The following SLC6A15 variants were observed in gnomAD, a reference collection of about 807,000 sequenced individuals.
SLC6A15 encodes sodium-dependent neutral amino acid transporter B(0)AT2.
A neutral mutation model predicts 68.5 loss-of-function variants in SLC6A15; 33 were observed. The observed-to-expected ratio is 0.48, with a 90% CI of 0.37 to 0.64. The LOEUF (loss-of-function observed/expected upper bound fraction) is 0.64. Among genes scored for constraint, SLC6A15 ranks in the 30% least tolerant of loss-of-function variants. The pLI, the probability that SLC6A15 is intolerant of heterozygous loss-of-function variation, is 0.00. For missense variants in SLC6A15, 747 were observed against 874.3 expected (o/e 0.85, Z 1.84); for synonymous variants, 347 against 301.0 (o/e 1.15, Z -1.58).
rs1463484332 is a variant in SLC6A15 at position 84,869,208 on chromosome 12, C to T, written c.1495+1270G>A. ...GGCACGGTGGCTCACGCCTGTAATC[C>T]TAGCACTTTGGGAGGCCAAGGCGGG... On this transcript the variant is annotated intron_variant, in intron 9 of 11. Coordinates refer to ENST00000266682, the MANE Select transcript of SLC6A15 (RefSeq NM_182767.6). Among the ~76,000 whole-genome samples, 3 of 152,028 alleles carry T rather than the reference C, an allele frequency of 2.0e-5. No individual in the cohort carries two copies. In the South Asian group the frequency reaches 6.2e-4, roughly 32 times the overall value.
rs940878973 is a variant in SLC6A15, at chr12:84,867,273, C to T, written c.1496-80G>A. ...AAACTTTATTATAAATTATTATATT[C>T]AAACTTTTAAAACTTTTATAACATG... On this transcript the variant is annotated intron_variant, in intron 9 of 11. Coordinates refer to ENST00000266682, the MANE Select transcript of SLC6A15 (RefSeq NM_182767.6). 1.2e-5 allele frequency: 14 copies of T among 1,206,096 alleles called. No homozygotes were observed. In the East Asian group the frequency reaches 2.2e-4, roughly 19 times the overall value. The allele number at this position is 1,206,096 out of a possible 1,614,324, so 74.7% of individuals were successfully genotyped here.
intron 1 of SLC6A15, among the ~76,000 whole-genome samples, chr12:84,906,979 A>G (rs536025676): frequency 6.6e-6 from 1 of 152,272 alleles, no homozygotes; most frequent in East Asian, 1.9e-4. Context: ...GAGGATGGAA[A>G]AAAAAAAGCT....
chr12:84,886,258 T>G (rs1872098032), intron 2 of SLC6A15, among the ~76,000 whole-genome samples, 190 bp from the exon 3 acceptor site: 2 of 152,130 alleles, frequency 1.3e-5, no homozygotes, highest in Middle Eastern at 3.4e-3. Context: ...CTACAAAGAG[T>G]TTCTGATAAT....
Position 84,867,103 on chromosome 12 carries a change from G to T in SLC6A15, c.1586C>A (p.Ala529Asp). The change falls in exon 10 of 12, where the codon GCT becomes GAT. Residue 529 changes from alanine (A) to aspartate (D), a missense_variant. Ala to Asp is a moderately radical substitution (Grantham distance 126). Transcript: ENST00000266682. ...YFVTMFDDYS[A>D]TLPLLIVVIL... The stretch of plus-strand genomic sequence containing the variant: ...GACTACAATTAGCAGAGGCAGTGTA[G>T]CAGAATAATCATCAAACATTGTAAC... 1 of 1,612,772 alleles carries T rather than the reference G, an allele frequency of 6.2e-7. No homozygotes were observed. The highest frequency in any genetic ancestry group is 8.5e-7 in the Non-Finnish European group (1 of 1,179,328).
At position 84,883,844 on chromosome 12, in the gene SLC6A15, C is replaced by T; in HGVS notation, c.756+15G>A. 6.2e-7 allele frequency: 1 copy of T among 1,614,044 alleles called. No individual in the cohort carries two copies. Among genetic ancestry groups the T allele is most frequent in the Non-Finnish European group, 8.5e-7 (1 of 1,180,000 alleles). On this transcript the variant is annotated intron_variant, in intron 5 of 11. Transcript: ENST00000266682. ...TGGTGATTAGCAGAATGAGGAAGGG[C>T]TCTAACATACTAACTTTTCCAGAAG...
chr12:84,900,273 A>G (rs144910667), intron 1 of SLC6A15, among the ~76,000 whole-genome samples: 1 of 152,114 alleles, frequency 6.6e-6, no homozygotes, highest in Non-Finnish European at 1.5e-5. Context: ...TTTCAATTAT[A>G]TTTTGCTAGT....
At chr12:84,888,708 C>T (rs1022057522) in intron 2 of SLC6A15, among the ~76,000 whole-genome samples, 1 of 152,062 alleles carries the variant, frequency 6.6e-6, no homozygotes, top group South Asian at 2.1e-4. Context: ...CTGAATTCAC[C>T]ACTATATAAT....
chr12:84,862,428 C>T (rs1870893767), intron 11 of SLC6A15, among the ~76,000 whole-genome samples: 1 of 152,112 alleles, frequency 6.6e-6, no homozygotes, highest in Non-Finnish European at 1.5e-5. Context: ...CAATAGATAC[C>T]TCTTAAATGT....
rs1190271369 is a variant in SLC6A15, at chr12:84,885,975, C to T, written c.383G>A (p.Gly128Asp). ...ELSVGQRIRR[G>D]SIGVWNYISP... ...TATGTAATTCCATACACCAATGCTG[C>T]CTCGCCGAATTCTTTGACCCACAGA... The change falls in exon 3 of 12, where the codon GGC becomes GAC. Residue 128 changes from glycine (G) to aspartate (D), a missense_variant. Coordinates refer to ENST00000266682, the MANE Select transcript of SLC6A15 (RefSeq NM_182767.6). 6.2e-7 allele frequency: 1 copy of T among 1,613,052 alleles called. No individual in the cohort carries two copies. The highest frequency in any genetic ancestry group is 8.5e-7 in the Non-Finnish European group (1 of 1,179,396).
At chr12:84,893,595 G>T (rs1402535633) in intron 1 of SLC6A15, among the ~76,000 whole-genome samples, 3 of 152,108 alleles carry the variant, frequency 2.0e-5, no homozygotes, top group African/African-American at 4.8e-5. Context: ...GGTAGCCCAA[G>T]AATTCCGCCC....
chr12:84,876,323 G>C (rs78828475), intron 6 of SLC6A15, among the ~76,000 whole-genome samples, 174 bp downstream of exon 6: 6,396 of 151,904 alleles, frequency 0.042, 405 homozygotes, highest in African/African-American at 0.14. Context: ...GAGATAAATG[G>C]CTATAATTAT....
At position 84,885,501 on chromosome 12, in the gene SLC6A15, A is replaced by C. The variant is rs1158126951; in HGVS notation, c.508T>G (p.Ser170Ala). Residue 170 changes from serine to alanine, a missense_variant, in exon 4 of 12, where the codon TCT (serine) becomes GCT (alanine). Transcript: ENST00000266682. ...VIIGWSLFYF[S>A]QSFQQPLPWD... Reference sequence around the variant, plus strand: ...GGCAGGGGTTGCTGAAAAGACTGAGAAAAATAAAACAAACTCCAGCCAATG... The same window carrying C: ...GGCAGGGGTTGCTGAAAAGACTGAGCAAAATAAAACAAACTCCAGCCAATG... The C allele has an allele frequency of 6.2e-6, 10 of 1,613,698 alleles. No individual in the cohort carries two copies. The highest frequency in any genetic ancestry group is 7.6e-6 in the Non-Finnish European group (9 of 1,179,758).
rs1870873917 is a variant in SLC6A15 at position 84,861,998 on chromosome 12, T to A, written c.1827A>T (p.Glu609Asp). The A allele has an allele frequency of 6.3e-7, 1 of 1,579,870 alleles. No homozygotes were observed. The highest frequency in any genetic ancestry group is 2.0e-5 in the Admixed American group (1 of 50,660). ...CCCATGTTGGATAGCTCAGAAATTC[T>A]TCAGATGCCTGTTAAAGAAGAAAAT... Reference protein sequence around the residue: ...YNAWIEDKASEEFLSYPTWGL... With the variant: ...YNAWIEDKASDEFLSYPTWGL... The change falls in exon 12 of 12, where the codon GAA becomes GAT. Residue 609 changes from glutamate to aspartate, a missense_variant. Transcript: ENST00000266682.
intron 9 of SLC6A15, chr12:84,867,573 T>G (rs1395734043): frequency 6.5e-6 from 1 of 153,492 alleles, no homozygotes; most frequent in African/African-American, 2.4e-5. Context: ...TTTATTCATT[T>G]AATAATGTTC....
At chr12:84,912,466 A>C (rs570825995) in intron 1 of SLC6A15, 57 bp downstream of exon 1, 1 of 152,706 alleles carries the variant, frequency 6.5e-6, no homozygotes, top group East Asian at 1.9e-4. Flanking sequence ...CTGGGTGGCT[A>C]ATGGCGAGCC....
chr12:84,863,081 G>A lies in SLC6A15; in HGVS notation c.1818+358C>T, dbSNP rs1870918999. Among the ~76,000 whole-genome samples, 3 of 152,126 alleles carry A rather than the reference G, an allele frequency of 2.0e-5. No homozygotes were observed. The South Asian group carries it at 6.2e-4, about 31-fold the overall frequency. ...GTTGGGATTATAGGTATGAGTCACT[G>A]CACCTGGCCTGGGATACAACTTCAT... is the stretch of plus-strand genomic sequence containing the variant. On this transcript the variant is annotated intron_variant, in intron 11 of 11. Coordinates refer to ENST00000266682, the MANE Select transcript of SLC6A15 (RefSeq NM_182767.6).
At chr12:84,891,751 A>G (rs1872405493) in intron 2 of SLC6A15, 81 bp downstream of exon 2, 2 of 1,349,394 alleles carry the variant, frequency 1.5e-6, no homozygotes, top group South Asian at 2.9e-5. Context: ...AAAAATAATG[A>G]GAAACAGCAA....
At chr12:84,904,617 C>G (rs149657820) in intron 1 of SLC6A15, among the ~76,000 whole-genome samples, 307 of 152,256 alleles carry the variant, frequency 2.0e-3, no homozygotes, top group African/African-American at 6.9e-3. Flanking sequence ...TAAATACACA[C>G]AGTGATTTCA....
At chr12:84,881,409 C>T (rs1312129142) in intron 5 of SLC6A15, 1 of 975,906 alleles carries the variant, frequency 1.0e-6, no homozygotes, top group Non-Finnish European at 1.2e-6. Context: ...CCCTATTCTT[C>T]TTTTGGTTTA....
Sources: gnomAD v4.1 joint callset for allele counts (sites outside exome capture counted in the v4.1 genomes callset) on GRCh38, gnomAD v4.1.1 for gene constraint, MANE v1.5 for transcripts, NCBI Gene and HGNC (gene_info 2026-07-23, HGNC 2026-07-21) for gene names.